Variants in ROS1 observed in about 807,000 individuals in gnomAD.
ROS1 encodes the protein ROS proto-oncogene 1, receptor tyrosine kinase, also known as proto-oncogene tyrosine-protein kinase ROS.
A neutral mutation model predicts 273.5 loss-of-function variants in ROS1; 263 were observed. The observed-to-expected ratio is 0.96, with a 90% confidence interval of 0.87 to 1.06. The LOEUF (loss-of-function observed/expected upper bound fraction) is 1.06, where lower values mean the gene tolerates loss of function less well. Ranked by LOEUF, ROS1 falls within the 50% of genes least tolerant of loss-of-function variation. The probability of loss-of-function intolerance (pLI) is 0.00; values close to 1 mark genes in which losing one functional copy is unlikely to be tolerated. For missense variants in ROS1, 2,833 were observed against 2,751.1 expected, an observed-to-expected ratio of 1.03 and a Z score of -0.67; for synonymous variants, 1,008 against 954.1, an observed-to-expected ratio of 1.06 and a Z score of -1.04.
chr6:117,317,098 G>C (rs1775972396), intron 39 of ROS1, 45 bp downstream of exon 39: 2 of 1,581,056 alleles, frequency 1.3e-6, no homozygotes, highest in African/African-American at 2.7e-5. Flanking sequence ...GGAATTATAG[G>C]GCATTTGCAT....
intron 43 of ROS1, among the ~76,000 whole-genome samples, chr6:117,295,922 C>T (rs191595526): frequency 6.6e-6 from 1 of 152,216 alleles, no homozygotes; most frequent in East Asian, 1.9e-4. Flanking sequence ...CTAAGAAGAA[C>T]AGTTTGGAGG....
chr6:117,353,702 C>G (rs1463412970), intron 26 of ROS1, among the ~76,000 whole-genome samples: 1 of 152,150 alleles, frequency 6.6e-6, no homozygotes, highest in Non-Finnish European at 1.5e-5. Context: ...GAAATTGATT[C>G]AAATTTGATA....
At chr6:117,352,849 C>T (rs1778984815) in intron 27 of ROS1, 141 bp downstream of exon 27, 1 of 702,662 alleles carries the variant, frequency 1.4e-6, no homozygotes, top group Non-Finnish European at 2.3e-6. Context: ...TCACAGTGCA[C>T]ACAGAAGACT....
Position 117,385,696 on chromosome 6 carries a change from C to G in ROS1, c.2276G>C (p.Gly759Ala). ...EWLGHFLYWA[G>A]KTYVIQRQSV... ...GCTTTAACTCACCACATATGTCTTT[C>G]CAGCCCAGTAGAGAAAGTGACCCAG... Residue 759 changes from glycine (G) to alanine (A), a missense_variant, in exon 16 of 44, where the codon GGA (glycine) becomes GCA (alanine). Gly to Ala is a moderately conservative substitution (Grantham distance 60). Transcript: ENST00000368507. 1.2e-6 allele frequency: 2 copies of G among 1,614,064 alleles called. No individual in the cohort carries two copies. The highest frequency in any genetic ancestry group is 1.7e-6 in the Non-Finnish European group (2 of 1,180,014).
At chr6:117,409,473 T>C (rs1774718013) in intron 5 of ROS1, 109 bp downstream of exon 5, 3 of 777,686 alleles carry the variant, frequency 3.9e-6, no homozygotes, top group Non-Finnish European at 4.6e-6. Context: ...TTGATCATAT[T>C]GAGATGCAGA....
Position 117,389,530 on chromosome 6 carries a change from C to A in ROS1, c.1606G>T (p.Glu536Ter), listed in dbSNP as rs1766824259. 1 of 1,614,050 alleles carries A rather than the reference C, an allele frequency of 6.2e-7. No homozygotes were observed. The highest frequency in any genetic ancestry group is 1.7e-5 in the Admixed American group (1 of 60,002). Residue 536 changes from glutamate (E) to a stop codon, truncating the protein, a stop_gained, in exon 13 of 44, where the codon GAA becomes TAA. Coordinates refer to ENST00000368507, the MANE Select transcript of ROS1 (RefSeq NM_001378902.1). LOFTEE classifies it high-confidence loss of function. ...CTCAGGTCACATCCCACGATGAATT[C>A]ATTAAAAGACAAAGCATCCTGTTGG... ...IFQQDALSFN[E>*]FIVGCDLSHI...
chr6:117,330,187 C>T (rs1001386310), intron 32 of ROS1, among the ~76,000 whole-genome samples: 10 of 152,260 alleles, frequency 6.6e-5, no homozygotes, highest in African/African-American at 2.4e-4. Context: ...CACAACCCAA[C>T]ACACCAGCTG....
intron 43 of ROS1, among the ~76,000 whole-genome samples, chr6:117,298,769 C>T (rs1486934176): frequency 2.0e-5 from 3 of 152,184 alleles, no homozygotes; most frequent in African/African-American, 2.4e-5. Flanking sequence ...AATACTCTCA[C>T]CTCTTGTTTT....
At chr6:117,303,315 A>G (rs934124412) in intron 42 of ROS1, among the ~76,000 whole-genome samples, 6 of 152,232 alleles carry the variant, frequency 3.9e-5, no homozygotes, top group African/African-American at 1.4e-4. Flanking sequence ...TTGCAAAGTT[A>G]TAAAGAAAAC....
chr6:117,311,756 C>A (rs562631653), intron 39 of ROS1, among the ~76,000 whole-genome samples: 3 of 152,182 alleles, frequency 2.0e-5, no homozygotes, highest in South Asian at 2.1e-4. Context: ...TACAAACATA[C>A]ACTTGAGCCT....
chr6:117,321,279 A>G lies in ROS1; in HGVS notation c.5739T>C (p.Ala1913=), dbSNP rs2128563255. 6.2e-7 allele frequency: 1 copy of G among 1,613,864 alleles called. No individual in the cohort carries two copies. Among genetic ancestry groups the G allele is most frequent in the Non-Finnish European group, 8.5e-7 (1 of 1,179,872 alleles). ...CATACTGTATTGCATAGCAGGCATT[A>G]GCCAGGCCTACTCCGGCTGCCAGAC... is the stretch of plus-strand genomic sequence containing the variant. ...LRGLAAGVGL[A]NACYAIHTLP... The change falls in exon 36 of 44, where the codon GCT becomes GCC. Residue 1913 remains alanine, a synonymous_variant. Transcript: ENST00000368507.
At chr6:117,354,520 A>T (rs904428484) in intron 26 of ROS1, among the ~76,000 whole-genome samples, 1 of 152,226 alleles carries the variant, frequency 6.6e-6, no homozygotes. Context: ...GAAAAAAACT[A>T]ATATTCATAA....
intron 2 of ROS1, among the ~76,000 whole-genome samples, chr6:117,417,633 G>A (rs1775432869): frequency 6.6e-6 from 1 of 152,080 alleles, no homozygotes; most frequent in Admixed American, 6.5e-5. Context: ...CTTGGCAATT[G>A]GTATGTAACT....
intron 40 of ROS1, 79 bp from the exon 41 acceptor site, chr6:117,310,360 G>A (rs1775446173): frequency 9.6e-6 from 10 of 1,044,486 alleles, no homozygotes; most frequent in Non-Finnish European, 1.2e-5. Flanking sequence ...GCCCTAGTAG[G>A]TCTGTAAAGA....
Position 117,353,174 on chromosome 6 carries a change from T to TA in ROS1, c.4127-9dup. ...AGCTAACAAGGGTTTTTCCTGCTGT[T>TA]AAAAACATAAGGAATATAAAGAACA... On this transcript the variant is annotated splice_polypyrimidine_tract_variant and intron_variant, in intron 26 of 43. Coordinates refer to ENST00000368507, the MANE Select transcript of ROS1 (RefSeq NM_001378902.1). 5.0e-6 allele frequency: 8 copies of TA among 1,592,100 alleles called. No homozygotes were observed. Among genetic ancestry groups the TA allele is most frequent in the African/African-American group, 1.3e-5 (1 of 74,332 alleles).
chr6:117,326,712 A>T (rs1428092592), intron 33 of ROS1, among the ~76,000 whole-genome samples: 1 of 152,126 alleles, frequency 6.6e-6, no homozygotes, highest in Non-Finnish European at 1.5e-5. Flanking sequence ...CTTTCTCCAG[A>T]ATTCCAAACC....
At chr6:117,411,573 G>A (rs563389342) in intron 4 of ROS1, among the ~76,000 whole-genome samples, 32 of 152,114 alleles carry the variant, frequency 2.1e-4, no homozygotes, top group East Asian at 1.5e-3. Context: ...CTTCCTCATC[G>A]TAGTCAGTCC....
intron 15 of ROS1, among the ~76,000 whole-genome samples, chr6:117,386,310 G>A (rs942798103): frequency 4.6e-5 from 7 of 152,210 alleles, no homozygotes; most frequent in African/African-American, 1.7e-4. Flanking sequence ...ATGTTGGTCA[G>A]AAATGCTGTT....
intron 17 of ROS1, among the ~76,000 whole-genome samples, chr6:117,380,101 C>A (rs964674645): frequency 1.3e-5 from 2 of 152,126 alleles, no homozygotes; most frequent in Admixed American, 1.3e-4. Flanking sequence ...TTCAAATAAG[C>A]TAAGATTGCC....
Sources: gnomAD v4.1 joint callset for allele counts (sites outside exome capture counted in the v4.1 genomes callset) on GRCh38, gnomAD v4.1.1 for gene constraint, MANE v1.5 for transcripts, NCBI Gene and HGNC (gene_info 2026-07-23, HGNC 2026-07-21) for gene names.